AKAP19: variants seen among roughly 807,000 people sequenced by gnomAD.
The protein encoded by AKAP19 is small A-kinase anchoring protein.
At chr2:190,132,538 C>T in the AKAP19 span, among the ~76,000 whole-genome samples, 1 of 152,124 alleles carries the variant, frequency 6.6e-6, no homozygotes, top group Non-Finnish European at 1.5e-5. Context: ...GGAGAAAGAA[C>T]AATCTCTTCA....
At chr2:189,910,102 G>A in the AKAP19 span, among the ~76,000 whole-genome samples, 2 of 151,468 alleles carry the variant, frequency 1.3e-5, no homozygotes, top group Non-Finnish European at 3.0e-5. Context: ...AAATTGATGG[G>A]GCAGACATTT....
At chr2:190,048,563 C>A in the AKAP19 span, among the ~76,000 whole-genome samples, 138 of 152,304 alleles carry the variant, frequency 9.1e-4, no homozygotes, top group Middle Eastern at 3.4e-3. Context: ...CATCCCCCCA[C>A]GTACAACTAG....
At chr2:190,200,112 C>T in the AKAP19 span, 1 of 1,613,982 alleles carries the variant, frequency 6.2e-7, no homozygotes, top group Admixed American at 1.7e-5. Context: ...ACATCAAGTA[C>T]CATGACATTC....
the AKAP19 span, among the ~76,000 whole-genome samples, chr2:189,971,553 C>T: frequency 1.2e-4 from 18 of 152,250 alleles, no homozygotes; most frequent in African/African-American, 4.1e-4. Flanking sequence ...CCTAAGAAAT[C>T]GCCACACTGT....
At chr2:190,053,217 G>T in the AKAP19 span, among the ~76,000 whole-genome samples, 1 of 152,126 alleles carries the variant, frequency 6.6e-6, no homozygotes. Flanking sequence ...ATCTTATTAA[G>T]GAGTTGTCTG....
the AKAP19 span, among the ~76,000 whole-genome samples, chr2:189,906,757 G>T: frequency 1.1e-3 from 171 of 151,400 alleles, no homozygotes; most frequent in African/African-American, 4.0e-3. Context: ...TAACTTTTTG[G>T]TTTAAAGTTT....
chr2:189,973,436 T>TA, the AKAP19 span, among the ~76,000 whole-genome samples: 1 of 152,186 alleles, frequency 6.6e-6, no homozygotes, highest in African/African-American at 2.4e-5. Context: ...GATATTGGTC[T>TA]AAAATTCTCT....
chr2:190,093,600 TA>T, the AKAP19 span, among the ~76,000 whole-genome samples: 1 of 152,228 alleles, frequency 6.6e-6, no homozygotes, highest in Non-Finnish European at 1.5e-5. Flanking sequence ...GGTAAAATTT[TA>T]AACTGTTGCC....
At chr2:190,041,908 T>A in the AKAP19 span, among the ~76,000 whole-genome samples, 1 of 152,184 alleles carries the variant, frequency 6.6e-6, no homozygotes, top group Non-Finnish European at 1.5e-5. Flanking sequence ...TGCTGCTGGA[T>A]TTGGTTTGCA....
At chr2:189,900,842 C>T in the AKAP19 span, among the ~76,000 whole-genome samples, 1 of 152,112 alleles carries the variant, frequency 6.6e-6, no homozygotes. Flanking sequence ...GAGCTGACTG[C>T]AAGGAGACAA....
the AKAP19 span, among the ~76,000 whole-genome samples, chr2:189,952,038 T>C: frequency 6.6e-6 from 1 of 152,216 alleles, no homozygotes. Context: ...GTTTCCCCCA[T>C]ATATTTCCTG....
the AKAP19 span, among the ~76,000 whole-genome samples, chr2:189,996,188 T>G: frequency 6.6e-6 from 1 of 152,210 alleles, no homozygotes; most frequent in Non-Finnish European, 1.5e-5. Context: ...CTCAAATAAG[T>G]TTTCCAAACA....
chr2:189,883,860 T>A, the AKAP19 span, among the ~76,000 whole-genome samples: 1 of 152,126 alleles, frequency 6.6e-6, no homozygotes, highest in Non-Finnish European at 1.5e-5. Context: ...AATGTTTTGG[T>A]GAGGTTTTGT....
chr2:189,991,644 G>A, the AKAP19 span, among the ~76,000 whole-genome samples: 1 of 152,138 alleles, frequency 6.6e-6, no homozygotes, highest in South Asian at 2.1e-4. Flanking sequence ...CCACTCTGTG[G>A]TTGTCTGTTT....
At chr2:190,108,849 A>G in the AKAP19 span, among the ~76,000 whole-genome samples, 4 of 150,076 alleles carry the variant, frequency 2.7e-5, no homozygotes, top group African/African-American at 7.4e-5. Context: ...TCATTTGAAG[A>G]TATAGGAGAA....
At chr2:190,170,339 C>T in the AKAP19 span, among the ~76,000 whole-genome samples, 4 of 152,192 alleles carry the variant, frequency 2.6e-5, no homozygotes, top group Non-Finnish European at 4.4e-5. Context: ...AAGGCTGAAT[C>T]CTAGCTGAGT....
the AKAP19 span, chr2:190,199,599 C>A: frequency 3.4e-6 from 2 of 590,170 alleles, no homozygotes; most frequent in Non-Finnish European, 4.9e-6. Flanking sequence ...AGATTTCTTC[C>A]ATGTGACCAA....
At chr2:190,079,008 A>G in the AKAP19 span, among the ~76,000 whole-genome samples, 2 of 149,606 alleles carry the variant, frequency 1.3e-5, no homozygotes, top group Non-Finnish European at 3.0e-5. Flanking sequence ...GAAAAAAAAC[A>G]TTTCATTTAT....
At chr2:189,915,749 A>G in the AKAP19 span, among the ~76,000 whole-genome samples, 1 of 152,138 alleles carries the variant, frequency 6.6e-6, no homozygotes. Flanking sequence ...TATATTAGAA[A>G]TCCATTATAA....
Sources: gnomAD v4.1 joint callset for allele counts (sites outside exome capture counted in the v4.1 genomes callset) on GRCh38, gnomAD v4.1.1 for gene constraint, MANE v1.5 for transcripts, NCBI Gene and HGNC (gene_info 2026-07-23, HGNC 2026-07-21) for gene names.